FHIT: variants seen among roughly 807,000 people sequenced by gnomAD.
The protein encoded by FHIT is bis(5'-adenosyl)-triphosphatase.
A neutral mutation model predicts 17.9 loss-of-function variants in FHIT; 19 were observed. That is an observed-to-expected ratio of 1.06 (90% CI 0.74 to 1.56). The LOEUF (loss-of-function observed/expected upper bound fraction) is 1.56. Ranked by LOEUF, FHIT falls within the 40% of genes most tolerant of loss-of-function variation. The probability of loss-of-function intolerance (pLI) is 0.00; values close to 1 mark genes in which losing one functional copy is unlikely to be tolerated. For missense variants in FHIT, 248 were observed against 189.2 expected (o/e 1.31, Z -1.82); for synonymous variants, 81 against 69.7 (o/e 1.16, Z -0.81).
intron 5 of FHIT, among the ~76,000 whole-genome samples, chr3:60,335,531 G>A (rs978808975): frequency 6.6e-6 from 1 of 152,096 alleles, no homozygotes; most frequent in African/African-American, 2.4e-5. Flanking sequence ...CAAACACTAT[G>A]CCAGGAATGA....
chr3:60,040,742 G>C (rs189005647), intron 5 of FHIT, among the ~76,000 whole-genome samples: 1 of 152,286 alleles, frequency 6.6e-6, no homozygotes, highest in East Asian at 1.9e-4. Flanking sequence ...TAGAAGGAGA[G>C]ACTGGGGAGC....
intron 3 of FHIT, among the ~76,000 whole-genome samples, chr3:61,029,961 C>T (rs1172968406): frequency 6.6e-6 from 1 of 152,078 alleles, no homozygotes; most frequent in African/African-American, 2.4e-5. Context: ...TCAAAATCTA[C>T]ATTTTTGTTT....
chr3:59,814,543 G>C (rs765863551), intron 8 of FHIT, among the ~76,000 whole-genome samples: 1 of 152,200 alleles, frequency 6.6e-6, no homozygotes, highest in Non-Finnish European at 1.5e-5. Flanking sequence ...CAAGTCATTT[G>C]GAAATAACAT....
At chr3:60,439,890 A>G (rs2030640215) in intron 5 of FHIT, among the ~76,000 whole-genome samples, 1 of 152,070 alleles carries the variant, frequency 6.6e-6, no homozygotes, top group Non-Finnish European at 1.5e-5. Flanking sequence ...AGAGATGCAC[A>G]TGCCAGTCTA....
chr3:59,770,905 T>A (rs1041650786), intron 8 of FHIT, among the ~76,000 whole-genome samples: 1 of 152,160 alleles, frequency 6.6e-6, no homozygotes, highest in Non-Finnish European at 1.5e-5. Flanking sequence ...GCTGAAAGAA[T>A]CAATACAACA....
chr3:60,351,490 G>GGTA (rs1302659319), intron 5 of FHIT, among the ~76,000 whole-genome samples: 1 of 152,162 alleles, frequency 6.6e-6, no homozygotes, highest in African/African-American at 2.4e-5. Flanking sequence ...ATGCAACAGA[G>GGTA]GTAGTCAAGA....
chr3:60,970,469 G>T (rs556162802), intron 3 of FHIT, among the ~76,000 whole-genome samples: 1 of 151,672 alleles, frequency 6.6e-6, no homozygotes, highest in Non-Finnish European at 1.5e-5. Flanking sequence ...TATAATTAAG[G>T]TTATATTTAT....
rs1278733181 is a variant in FHIT, at chr3:60,193,058, C to T, written c.104-178906G>A. On this transcript the variant is annotated intron_variant, in intron 5 of 9. Coordinates refer to ENST00000492590, the MANE Select transcript of FHIT (RefSeq NM_002012.4). ...TGCTTAAAAGGTAGAATTGTAAACA[C>T]CAGACTGCACTCAGAAAAATGGAGA... Among the ~76,000 whole-genome samples the T allele has an allele frequency of 3.3e-5, 5 of 152,234 alleles. No homozygotes were observed. The East Asian group carries it at 9.6e-4, about 29-fold the overall frequency.
chr3:61,077,081 C>T (rs2034994082), intron 2 of FHIT, among the ~76,000 whole-genome samples: 1 of 152,064 alleles, frequency 6.6e-6, no homozygotes, highest in African/African-American at 2.4e-5. Flanking sequence ...GTTTGTTGAT[C>T]ATTGCCACAT....
intron 8 of FHIT, among the ~76,000 whole-genome samples, chr3:59,789,561 T>C (rs1468609985): frequency 6.6e-6 from 1 of 152,238 alleles, no homozygotes. Context: ...CTAATAGAAT[T>C]GAAATGGTAT....
intron 5 of FHIT, chr3:60,536,587 G>A: frequency 2.9e-6 from 1 of 340,764 alleles, no homozygotes; most frequent in Middle Eastern, 7.8e-4. Flanking sequence ...GTAGTGAAAA[G>A]GTCAAGCAAA....
At chr3:59,879,159 G>A (rs1703294646) in intron 8 of FHIT, among the ~76,000 whole-genome samples, 1 of 152,130 alleles carries the variant, frequency 6.6e-6, no homozygotes, top group African/African-American at 2.4e-5. Flanking sequence ...ACATCACACA[G>A]AAAAACTAAA....
At chr3:61,058,447 T>A (rs958388127) in intron 2 of FHIT, among the ~76,000 whole-genome samples, 1 of 152,186 alleles carries the variant, frequency 6.6e-6, no homozygotes, top group Non-Finnish European at 1.5e-5. Context: ...CACGCCTAAA[T>A]CTCATGTCAA....
intron 3 of FHIT, among the ~76,000 whole-genome samples, chr3:60,926,425 T>C (rs532924976): frequency 1.3e-5 from 2 of 152,248 alleles, no homozygotes; most frequent in South Asian, 4.1e-4. Context: ...CACAACTACA[T>C]GGAAACTGAA....
chr3:59,803,427 G>T (rs1700077565), intron 8 of FHIT, among the ~76,000 whole-genome samples: 1 of 152,226 alleles, frequency 6.6e-6, no homozygotes, highest in Admixed American at 6.5e-5. Flanking sequence ...CTTCCATGGA[G>T]AAGAGACCTC....
intron 8 of FHIT, among the ~76,000 whole-genome samples, chr3:59,791,329 G>C (rs1699548165): frequency 6.6e-6 from 1 of 152,098 alleles, no homozygotes; most frequent in African/African-American, 2.4e-5. Flanking sequence ...AGCGGGGGTG[G>C]GGTGGGGGAA....
intron 4 of FHIT, among the ~76,000 whole-genome samples, chr3:60,773,230 A>G (rs17063950): frequency 0.016 from 2,419 of 152,318 alleles, 66 homozygotes; most frequent in African/African-American, 0.055. Flanking sequence ...GATCTGCACA[A>G]TCATGGTCAA....
chr3:60,486,801 C>CA (rs1372883092), intron 5 of FHIT, among the ~76,000 whole-genome samples: 1 of 152,018 alleles, frequency 6.6e-6, no homozygotes, highest in East Asian at 1.9e-4. Flanking sequence ...ATCTTTGATC[C>CA]AAAAATTCTT....
At chr3:59,921,186 G>A (rs1007585294) in intron 8 of FHIT, among the ~76,000 whole-genome samples, 6 of 152,178 alleles carry the variant, frequency 3.9e-5, no homozygotes, top group African/African-American at 1.4e-4. Flanking sequence ...AATCCAATGT[G>A]TTCCAGAAAC....
Sources: allele counts gnomAD v4.1 joint callset (sites outside exome capture counted in the v4.1 genomes callset), GRCh38; gene constraint gnomAD v4.1.1; transcripts MANE v1.5; gene names NCBI Gene and HGNC (gene_info 2026-07-23, HGNC 2026-07-21).